The following UPF2 variants were observed in gnomAD, a reference collection of about 807,000 sequenced individuals.
UPF2 encodes UPF2 regulator of nonsense mediated mRNA decay, also known as regulator of nonsense transcripts 2.
Under a neutral mutation model 141.4 loss-of-function variants are expected in UPF2, and 17 were observed. That is an observed-to-expected ratio of 0.12 (90% CI 0.08 to 0.18). UPF2 has a LOEUF of 0.18. Ranked by LOEUF, UPF2 falls within the 10% of genes least tolerant of loss-of-function variation. The pLI is 1.00. For missense variants in UPF2, 1,152 were observed against 1,515.9 expected, an observed-to-expected ratio of 0.76 and a Z score of 3.99; for synonymous variants, 540 against 498.0, an observed-to-expected ratio of 1.08 and a Z score of -1.12.
At chr10:11,950,440 T>A (rs1189740525) in intron 15 of UPF2, among the ~76,000 whole-genome samples, 1 of 152,208 alleles carries the variant, frequency 6.6e-6, no homozygotes, top group South Asian at 2.1e-4. Context: ...AGTGCACTGA[T>A]TGCGGCCGCT....
chr10:11,921,588 G>C lies in UPF2; in HGVS notation c.3810-281C>G, dbSNP rs1400253676. On this transcript the variant is annotated intron_variant, in intron 21 of 21. Coordinates refer to ENST00000357604, the MANE Select transcript of UPF2 (RefSeq NM_015542.4). The surrounding 1 kb of genome is among the most constrained non-coding windows in gnomAD (Gnocchi z 5.9). ...ACAAGTAATGTAGAGATGATGTAAA[G>C]TACACGGGAGGATGTGCATATGTTA... Among the ~76,000 whole-genome samples the C allele has an allele frequency of 6.6e-6, 1 of 152,234 alleles. No homozygotes were observed. The highest frequency in any genetic ancestry group is 1.5e-5 in the Non-Finnish European group (1 of 68,046).
At chr10:11,928,807 A>G (rs1218708490) in intron 21 of UPF2, 2 of 213,516 alleles carry the variant, frequency 9.4e-6, no homozygotes, top group Non-Finnish European at 2.0e-5. Context: ...ACATTAAACA[A>G]TTTAACTTTA....
intron 16 of UPF2, among the ~76,000 whole-genome samples, chr10:11,944,927 A>G (rs758925588): frequency 2.0e-5 from 3 of 152,266 alleles, no homozygotes; most frequent in Non-Finnish European, 4.4e-5. Flanking sequence ...CGGCTCTGCC[A>G]TCACCTGCTC....
At chr10:11,929,625 A>C (rs1038382046) in intron 21 of UPF2, among the ~76,000 whole-genome samples, 1 of 152,258 alleles carries the variant, frequency 6.6e-6, no homozygotes, top group African/African-American at 2.4e-5. Flanking sequence ...TGGACGACAG[A>C]GCAAGACCTT....
At chr10:12,025,189 T>C (rs193093220) in intron 3 of UPF2, among the ~76,000 whole-genome samples, 102 of 152,264 alleles carry the variant, frequency 6.7e-4, no homozygotes, top group African/African-American at 2.0e-3. Context: ...AATTATTTTC[T>C]ACATGGTGAT....
rs934823818 is a variant in UPF2 at position 11,992,100 on chromosome 10, C to T, written c.1844+5572G>A. 2.6e-5 allele frequency among the ~76,000 whole-genome samples: 4 copies of T among 151,802 alleles called. No homozygotes were observed. The East Asian group carries it at 5.8e-4, about 22-fold the overall frequency. The stretch of plus-strand genomic sequence containing the variant: ...CAGAGGTTGCAGTGAGCCAAGATCG[C>T]GCCACTGCACTCCAGCATGGGCAAT... On this transcript the variant is annotated intron_variant, in intron 8 of 21. Transcript: ENST00000357604. This position sits in a 1 kb window ranked among gnomAD's most constrained non-coding sequence, Gnocchi z 4.1.
At chr10:11,955,645 A>C (rs574699304) in intron 13 of UPF2, 138 bp from the exon 14 acceptor site, 2 of 870,478 alleles carry the variant, frequency 2.3e-6, no homozygotes, top group Non-Finnish European at 3.4e-6. Context: ...TTTTCTAATA[A>C]ACTGGTTACT....
At chr10:12,012,796 C>CA (rs753104549) in intron 4 of UPF2, among the ~76,000 whole-genome samples, 108 of 63,554 alleles carry the variant, frequency 1.7e-3, no homozygotes, top group East Asian at 4.7e-3. Flanking sequence ...AAGACTCCGC[C>CA]AAAAAAAAAA....
intron 6 of UPF2, among the ~76,000 whole-genome samples, chr10:12,000,903 A>G (rs185301414): frequency 9.2e-5 from 14 of 152,374 alleles, no homozygotes; most frequent in African/African-American, 2.9e-4. Context: ...GAATACAAAC[A>G]CAACTCAATT....
intron 4 of UPF2, among the ~76,000 whole-genome samples, chr10:12,012,813 A>C (rs1291100748): frequency 1.3e-5 from 2 of 151,018 alleles, no homozygotes; most frequent in African/African-American, 4.9e-5. Context: ...AAAAAAAAAA[A>C]CATTTAAAAA....
chr10:11,942,818 T>C, intron 17 of UPF2, 55 bp from the exon 18 acceptor site: 2 of 1,528,602 alleles, frequency 1.3e-6, no homozygotes, highest in Non-Finnish European at 1.8e-6. Context: ...TAATGTTTTC[T>C]AGGGCAAAGC....
chr10:12,029,466 T>G lies in UPF2; in HGVS notation c.424A>C (p.Lys142Gln). The G allele has an allele frequency of 3.7e-6, 6 of 1,611,572 alleles. No homozygotes were observed. Among genetic ancestry groups the G allele is most frequent in the Non-Finnish European group, 5.1e-6 (6 of 1,179,508 alleles). The change falls in exon 3 of 22, where the codon AAG (lysine) becomes CAG (glutamine). Residue 142 changes from lysine to glutamine, a missense_variant. Lys to Gln is a moderately conservative substitution (Grantham distance 53). Coordinates refer to ENST00000357604, the MANE Select transcript of UPF2 (RefSeq NM_015542.4). ...TTTTGGTTTTTGCTACGAAGTTCCT[T>G]TCTTAAATGATGTCGTTCCCAAGCT... ...QEAWERHHLR[K>Q]ELRSKNQNAP...
chr10:11,952,892 T>G (rs1342162711), intron 14 of UPF2, among the ~76,000 whole-genome samples: 1 of 152,202 alleles, frequency 6.6e-6, no homozygotes, highest in Non-Finnish European at 1.5e-5. Context: ...TATATTTAAT[T>G]TTACAAATTT....
rs141348295 is a variant in UPF2 at position 11,947,937 on chromosome 10, T to C, written c.3174+432A>G. 2.0e-5 allele frequency among the ~76,000 whole-genome samples: 3 copies of C among 152,084 alleles called. No individual in the cohort carries two copies. The East Asian group carries it at 5.8e-4, about 29-fold the overall frequency. On this transcript the variant is annotated intron_variant, in intron 16 of 21. Transcript: ENST00000357604. ...TTTATGATAAAAACATACTACTAGTTACATTTACTATAATAAAACTAAGGA... is the reference window on the plus strand; with the variant it reads ...TTTATGATAAAAACATACTACTAGTCACATTTACTATAATAAAACTAAGGA...
At chr10:11,999,062 A>G (rs1332979951) in intron 7 of UPF2, among the ~76,000 whole-genome samples, 1 of 152,058 alleles carries the variant, frequency 6.6e-6, no homozygotes, top group African/African-American at 2.4e-5. Flanking sequence ...GGACTCAACA[A>G]GGAGACTCTT....
Position 11,936,314 on chromosome 10 carries a change from G to A in UPF2, c.3546+231C>T, listed in dbSNP as rs1351592014. On this transcript the variant is annotated intron_variant, in intron 19 of 21. Transcript: ENST00000357604. This position sits in a 1 kb window ranked among gnomAD's most constrained non-coding sequence, Gnocchi z 6.6. ...GAACCTGGGAGGAGGAGGTTGCAGTGAGCCAAGACCCTGCCACTCCAGCCT... is the reference window on the plus strand; with the variant it reads ...GAACCTGGGAGGAGGAGGTTGCAGTAAGCCAAGACCCTGCCACTCCAGCCT... Among the ~76,000 whole-genome samples the A allele has an allele frequency of 6.6e-6, 1 of 151,874 alleles. No individual in the cohort carries two copies. The highest frequency in any genetic ancestry group is 2.4e-5 in the African/African-American group (1 of 41,310).
At chr10:12,026,475 C>T (rs530809575) in intron 3 of UPF2, among the ~76,000 whole-genome samples, 1 of 152,042 alleles carries the variant, frequency 6.6e-6, no homozygotes, top group Non-Finnish European at 1.5e-5. Context: ...GGAAACATCA[C>T]GGCAGTCTGA....
rs149704190 is a variant in UPF2 at position 11,928,871 on chromosome 10, C to T, written c.3809+994G>A. ...AATTTTATAATTTAAAAAAACAGGC[C>T]GGGCATGGTGGCTCACGCCTGTAAT... On this transcript the variant is annotated intron_variant, in intron 21 of 21. Coordinates refer to ENST00000357604, the MANE Select transcript of UPF2 (RefSeq NM_015542.4). Among the ~76,000 whole-genome samples the T allele has an allele frequency of 3.0e-3, 452 of 152,188 alleles. 5 individuals carry two copies. The highest frequency in any genetic ancestry group is 0.011 in the African/African-American group (436 of 41,524).
intron 3 of UPF2, among the ~76,000 whole-genome samples, chr10:12,020,509 G>A (rs1834299576): frequency 6.6e-6 from 1 of 152,088 alleles, no homozygotes; most frequent in South Asian, 2.1e-4. Context: ...CCTCAGCCAA[G>A]CTACTAAAGT....
Sources: gnomAD v4.1 joint callset for allele counts (sites outside exome capture counted in the v4.1 genomes callset) on GRCh38, gnomAD v4.1.1 for gene constraint, Gnocchi (gnomAD v3.1) non-coding constraint, MANE v1.5 for transcripts, NCBI Gene and HGNC (gene_info 2026-07-23, HGNC 2026-07-21) for gene names.